COG5: variants seen among roughly 807,000 people sequenced by gnomAD.
The protein encoded by COG5 is component of oligomeric golgi complex 5, also known as conserved oligomeric Golgi complex subunit 5.
COG5 carries 86 observed loss-of-function variants against 110.4 expected under a neutral mutation model. That is an observed-to-expected ratio of 0.78 (90% CI 0.65 to 0.93). The LOEUF (loss-of-function observed/expected upper bound fraction) is 0.93. COG5 is among the 40% of genes least tolerant of loss of function. COG5 has a pLI of 0.00. For synonymous variants in COG5, 360 were observed against 334.6 expected, an observed-to-expected ratio of 1.08 and a Z score of -0.83; for missense variants, 1,077 against 987.0, an observed-to-expected ratio of 1.09 and a Z score of -1.22.
chr7:107,206,655 A>C (rs549913619), intron 21 of COG5, among the ~76,000 whole-genome samples: 1 of 152,374 alleles, frequency 6.6e-6, no homozygotes, highest in South Asian at 2.1e-4. Context: ...AATGGATTAG[A>C]TATATTTGAT....
At chr7:107,295,640 T>C (rs1330170082) in intron 12 of COG5, among the ~76,000 whole-genome samples, 4 of 152,192 alleles carry the variant, frequency 2.6e-5, no homozygotes, top group African/African-American at 9.6e-5. Context: ...TCAAGATTTT[T>C]TGACATCTTC....
intron 6 of COG5, among the ~76,000 whole-genome samples, chr7:107,500,972 T>C (rs1389772071): frequency 6.6e-6 from 1 of 152,114 alleles, no homozygotes; most frequent in African/African-American, 2.4e-5. Flanking sequence ...ATTTGCCATA[T>C]TTACCAAAAC....
At position 107,527,300 on chromosome 7, in the gene COG5, G is replaced by T. The variant is rs763740990; in HGVS notation, c.475C>A (p.Gln159Lys). 2 of 1,612,354 alleles carry T rather than the reference G, an allele frequency of 1.2e-6. No homozygotes were observed. Among genetic ancestry groups the T allele is most frequent in the African/African-American group, 2.7e-5 (2 of 74,718 alleles). Residue 159 changes from glutamine (Q) to lysine (K), a missense_variant, in exon 6 of 22, where the codon CAA becomes AAA. By Grantham distance (53) the Gln-to-Lys change is moderately conservative. Transcript: ENST00000297135. ...CTACTTCCCCCTTGCAGTTGTCCTT[G>T]GAGTCTCTTACTGAGATTCAAGATA... Reference protein sequence around the residue: ...IRILNLSKRLQGQLQGGSREI... With the variant: ...IRILNLSKRLKGQLQGGSREI...
At chr7:107,278,260 C>G (rs1340246382) in intron 14 of COG5, among the ~76,000 whole-genome samples, 1 of 150,250 alleles carries the variant, frequency 6.7e-6, no homozygotes, top group Non-Finnish European at 1.5e-5. Flanking sequence ...TCCTTTCTTC[C>G]TTCGTTTCTG....
chr7:107,319,273 G>A (rs1009967569), intron 11 of COG5, among the ~76,000 whole-genome samples: 1 of 151,978 alleles, frequency 6.6e-6, no homozygotes, highest in African/African-American at 2.4e-5. Flanking sequence ...AAAATTCCTA[G>A]TCTGCTTATA....
At chr7:107,541,887 G>GC (rs1329910233) in intron 5 of COG5, among the ~76,000 whole-genome samples, 1 of 150,390 alleles carries the variant, frequency 6.6e-6, no homozygotes, top group East Asian at 2.0e-4. Context: ...CCGAGATGGT[G>GC]CCACTGCACT....
At chr7:107,281,216 C>T in intron 14 of COG5, 84 bp downstream of exon 14, 1 of 891,140 alleles carries the variant, frequency 1.1e-6, no homozygotes, top group Non-Finnish European at 1.8e-6. Flanking sequence ...ATAGTCAATT[C>T]AATATTTATG....
intron 6 of COG5, among the ~76,000 whole-genome samples, chr7:107,461,090 C>A (rs558880244): frequency 6.6e-6 from 1 of 152,034 alleles, no homozygotes; most frequent in African/African-American, 2.4e-5. Flanking sequence ...TTTCAACTCA[C>A]TGGAGTCCAG....
chr7:107,363,153 T>C (rs1339875660), intron 8 of COG5, among the ~76,000 whole-genome samples: 1 of 152,180 alleles, frequency 6.6e-6, no homozygotes, highest in African/African-American at 2.4e-5. Flanking sequence ...TTCCCCACTC[T>C]ATCCACTGGA....
At chr7:107,554,682 G>A (rs561889784) in intron 2 of COG5, among the ~76,000 whole-genome samples, 1 of 152,232 alleles carries the variant, frequency 6.6e-6, no homozygotes, top group South Asian at 2.1e-4. Flanking sequence ...TCAAGGCATT[G>A]GCAAATTCAG....
At chr7:107,403,638 T>C (rs1436427856) in intron 7 of COG5, among the ~76,000 whole-genome samples, 1 of 151,662 alleles carries the variant, frequency 6.6e-6, no homozygotes, top group Non-Finnish European at 1.5e-5. Context: ...TAAGCAGCTC[T>C]CTCAGGCTCT....
At chr7:107,462,705 T>A (rs1208909565) in intron 6 of COG5, among the ~76,000 whole-genome samples, 1 of 151,914 alleles carries the variant, frequency 6.6e-6, no homozygotes, top group Non-Finnish European at 1.5e-5. Flanking sequence ...GAAGTCCCTA[T>A]TCCCAAAAAC....
chr7:107,414,026 T>A (rs1408796165), intron 6 of COG5, among the ~76,000 whole-genome samples: 1 of 152,174 alleles, frequency 6.6e-6, no homozygotes, highest in Non-Finnish European at 1.5e-5. Context: ...AGAATAGAGC[T>A]TATATTCAAA....
chr7:107,348,183 G>C (rs373199652), intron 10 of COG5, among the ~76,000 whole-genome samples: 1 of 141,840 alleles, frequency 7.1e-6, no homozygotes, highest in East Asian at 2.2e-4. Flanking sequence ...CATCTATTTT[G>C]ATAGTTATGT....
At chr7:107,398,032 C>A (rs1244775533) in intron 7 of COG5, among the ~76,000 whole-genome samples, 1 of 151,930 alleles carries the variant, frequency 6.6e-6, no homozygotes, top group Non-Finnish European at 1.5e-5. Context: ...AATTCTAAAA[C>A]CTCTAAAAGA....
At chr7:107,268,685 C>T (rs1027689425) in intron 14 of COG5, among the ~76,000 whole-genome samples, 3 of 152,186 alleles carry the variant, frequency 2.0e-5, no homozygotes, top group Admixed American at 6.5e-5. Flanking sequence ...TAAGGTGTAT[C>T]ATAATTCTTT....
chr7:107,558,911 T>A (rs1451004702), intron 1 of COG5, among the ~76,000 whole-genome samples: 14 of 29,534 alleles, frequency 4.7e-4, no homozygotes, highest in South Asian at 1.0e-3. Context: ...AAAGACTTCA[T>A]CTCAAAAAAA....
intron 10 of COG5, among the ~76,000 whole-genome samples, chr7:107,344,312 G>A (rs1363069939): frequency 6.6e-6 from 1 of 152,138 alleles, no homozygotes; most frequent in Non-Finnish European, 1.5e-5. Flanking sequence ...TGTTACAGGA[G>A]TAGCTTTTTT....
intron 6 of COG5, among the ~76,000 whole-genome samples, chr7:107,506,633 C>T (rs1041315700): frequency 6.6e-6 from 1 of 152,148 alleles, no homozygotes; most frequent in Non-Finnish European, 1.5e-5. Context: ...AGGCAGATCT[C>T]ACACCCACAG....
Sources: allele counts gnomAD v4.1 joint callset (sites outside exome capture counted in the v4.1 genomes callset), GRCh38; gene constraint gnomAD v4.1.1; transcripts MANE v1.5; gene names NCBI Gene and HGNC (gene_info 2026-07-23, HGNC 2026-07-21).